The following SETBP1 variants were observed in gnomAD, a reference collection of about 807,000 sequenced individuals.
SETBP1 encodes SET binding protein 1.
Under a neutral mutation model 101.0 loss-of-function variants are expected in SETBP1, and 9 were observed. The ratio of observed to expected loss-of-function variants is 0.09; its 90% CI spans 0.05 to 0.16. SETBP1 has a LOEUF of 0.16. Ranked by LOEUF, SETBP1 falls within the 10% of genes least tolerant of loss-of-function variation. The pLI is 1.00. For missense variants in SETBP1, 1,858 were observed against 2,033.8 expected, an observed-to-expected ratio of 0.91 and a Z score of 1.66; for synonymous variants, 818 against 788.5, an observed-to-expected ratio of 1.04 and a Z score of -0.63.
chr18:44,933,971 G>A (rs1275081235), intron 3 of SETBP1, among the ~76,000 whole-genome samples: 6 of 152,102 alleles, frequency 3.9e-5, no homozygotes, highest in Non-Finnish European at 5.9e-5. Context: ...GATGAACCTG[G>A]TACCTCAGTT....
intron 3 of SETBP1, among the ~76,000 whole-genome samples, chr18:44,934,051 C>T (rs966693473): frequency 6.6e-6 from 1 of 152,104 alleles, no homozygotes; most frequent in Non-Finnish European, 1.5e-5. Flanking sequence ...TGTTCCTATT[C>T]GGCCATCTTG....
chr18:44,695,664 T>G lies in SETBP1; in HGVS notation c.-172-5511T>G, dbSNP rs185880915. On this transcript the variant is annotated intron_variant, in intron 1 of 5. Coordinates refer to ENST00000649279, the MANE Select transcript of SETBP1 (RefSeq NM_015559.3). ...ACTGAGGATGAAGAGCTTGGGGAAG[T>G]TTGCAAAAGTTCAGGAATGAAGCCG... Among the ~76,000 whole-genome samples the G allele has an allele frequency of 3.9e-5, 6 of 152,274 alleles. No individual in the cohort carries two copies. In the East Asian group the frequency reaches 1.2e-3, roughly 29 times the overall value.
chr18:44,778,672 C>A (rs903715349), intron 2 of SETBP1, among the ~76,000 whole-genome samples: 1 of 152,208 alleles, frequency 6.6e-6, no homozygotes, highest in Non-Finnish European at 1.5e-5. Flanking sequence ...AAAGATTCTA[C>A]TTAGTGTTTG....
intron 2 of SETBP1, among the ~76,000 whole-genome samples, chr18:44,794,578 T>C (rs1192848117): frequency 1.3e-5 from 2 of 152,086 alleles, no homozygotes; most frequent in African/African-American, 4.8e-5. Flanking sequence ...TAGAAGAGGA[T>C]TTTGAAGTTT....
intron 4 of SETBP1, among the ~76,000 whole-genome samples, chr18:44,973,550 A>G (rs1420421538): frequency 6.6e-6 from 1 of 152,200 alleles, no homozygotes; most frequent in African/African-American, 2.4e-5. Flanking sequence ...ATGCTGAGAC[A>G]GTGTGGGGCC....
intron 4 of SETBP1, among the ~76,000 whole-genome samples, chr18:45,004,649 A>G (rs1330426250): frequency 6.6e-6 from 1 of 152,140 alleles, no homozygotes; most frequent in Non-Finnish European, 1.5e-5. Flanking sequence ...CCACTCCTCC[A>G]TCTTTTAGGC....
intron 4 of SETBP1, among the ~76,000 whole-genome samples, chr18:44,976,073 T>TACACACACACACACACACACACACACAC (rs57458132): frequency 7.0e-6 from 1 of 143,580 alleles, no homozygotes; most frequent in Non-Finnish European, 1.5e-5. Flanking sequence ...TGGGGAGGGA[T>TACACACACACACACACACACACACACAC]ACACACACAC....
intron 2 of SETBP1, among the ~76,000 whole-genome samples, chr18:44,727,137 T>A (rs967638463): frequency 2.6e-5 from 4 of 151,928 alleles, no homozygotes; most frequent in Non-Finnish European, 5.9e-5. Flanking sequence ...TAACTCAGTG[T>A]TTGAGCTCTC....
chr18:44,825,841 A>G (rs890068140), intron 2 of SETBP1, among the ~76,000 whole-genome samples: 4 of 152,220 alleles, frequency 2.6e-5, no homozygotes, highest in Admixed American at 2.6e-4. Context: ...GTAGTGCGGA[A>G]TAAGTATGGT....
rs570887505 is a variant in SETBP1 at position 45,037,644 on chromosome 18, T to C, written c.4001-841T>C. On this transcript the variant is annotated intron_variant, in intron 4 of 5. Transcript: ENST00000649279. ...AGAGCCTAGATTCAAGCTCAGGAAA[T>C]GGGAATGCAGAATAGCTCTTACTGT... Among the ~76,000 whole-genome samples, 5 of 152,198 alleles carry C rather than the reference T, an allele frequency of 3.3e-5. No individual in the cohort carries two copies. The South Asian group carries it at 8.3e-4, about 25-fold the overall frequency.
chr18:44,943,125 A>C (rs2071123193), intron 3 of SETBP1, among the ~76,000 whole-genome samples: 1 of 152,214 alleles, frequency 6.6e-6, no homozygotes, highest in Non-Finnish European at 1.5e-5. Flanking sequence ...TGGGCTAAGG[A>C]GAGATAAGCT....
chr18:44,963,194 C>T (rs2145158848), intron 4 of SETBP1, among the ~76,000 whole-genome samples: 1 of 152,264 alleles, frequency 6.6e-6, no homozygotes, highest in East Asian at 1.9e-4. Context: ...TTTGATCAGG[C>T]CAGTAGCATG....
intron 3 of SETBP1, among the ~76,000 whole-genome samples, chr18:44,889,483 GTCA>G (rs2069720843): frequency 6.6e-6 from 1 of 152,132 alleles, no homozygotes; most frequent in Admixed American, 6.6e-5. Context: ...GTAGACTAGA[GTCA>G]TAAGAAATAC....
intron 3 of SETBP1, among the ~76,000 whole-genome samples, chr18:44,941,905 T>C (rs986696852): frequency 2.6e-5 from 4 of 152,206 alleles, no homozygotes; most frequent in African/African-American, 9.6e-5. Flanking sequence ...CACATTTTCA[T>C]AGTAGCTGTT....
intron 2 of SETBP1, among the ~76,000 whole-genome samples, chr18:44,862,113 A>C (rs180906047): frequency 6.6e-6 from 1 of 152,334 alleles, no homozygotes; most frequent in African/African-American, 2.4e-5. Flanking sequence ...CCACTGTAAG[A>C]GTATGGGTTG....
intron 3 of SETBP1, among the ~76,000 whole-genome samples, chr18:44,895,630 C>G (rs544162843): frequency 1.3e-5 from 2 of 152,224 alleles, no homozygotes; most frequent in South Asian, 4.1e-4. Context: ...TCCATTACCC[C>G]ATGCTGCCTC....
At chr18:44,838,270 C>T (rs1400336353) in intron 2 of SETBP1, among the ~76,000 whole-genome samples, 6 of 152,188 alleles carry the variant, frequency 3.9e-5, no homozygotes, top group Non-Finnish European at 8.8e-5. Context: ...TACTGCTTAT[C>T]TACTCCTTTT....
At position 44,811,697 on chromosome 18, in the gene SETBP1, C is replaced by T. The variant is rs80045428; in HGVS notation, c.487-57533C>T. On this transcript the variant is annotated intron_variant, in intron 2 of 5. Transcript: ENST00000649279. ...CTTTTGAGTTCACATTGAATGTCAA[C>T]ATCTGCCTTTCTTCCCCTACCATGA... Among the ~76,000 whole-genome samples, 899 of 152,352 alleles carry T rather than the reference C, an allele frequency of 5.9e-3. 7 individuals carry two copies. The highest frequency in any genetic ancestry group is 9.8e-3 in the Non-Finnish European group (666 of 68,030).
intron 4 of SETBP1, among the ~76,000 whole-genome samples, chr18:44,964,121 A>G (rs2071672312): frequency 6.6e-6 from 1 of 152,124 alleles, no homozygotes; most frequent in South Asian, 2.1e-4. Context: ...TTCAAAGCCT[A>G]TCTGAAGCCT....
Sources: gnomAD v4.1 joint callset for allele counts (sites outside exome capture counted in the v4.1 genomes callset) on GRCh38, gnomAD v4.1.1 for gene constraint, MANE v1.5 for transcripts, NCBI Gene and HGNC (gene_info 2026-07-23, HGNC 2026-07-21) for gene names.